PTPRG: variants seen among roughly 807,000 people sequenced by gnomAD.
The protein encoded by PTPRG is receptor-type tyrosine-protein phosphatase gamma.
A neutral mutation model predicts 165.3 loss-of-function variants in PTPRG; 102 were observed. That is an observed-to-expected ratio of 0.62 (90% confidence interval 0.53 to 0.73). The LOEUF (loss-of-function observed/expected upper bound fraction) is 0.73, where lower values mean the gene tolerates loss of function less well. Among genes scored for constraint, PTPRG ranks in the 30% least tolerant of loss-of-function variants. The probability of loss-of-function intolerance (pLI) is 0.00; values close to 1 mark genes in which losing one functional copy is unlikely to be tolerated. For missense variants in PTPRG, 1,866 were observed against 1,861.4 expected, an observed-to-expected ratio of 1.00 and a Z score of -0.05; for synonymous variants, 675 against 669.5, an observed-to-expected ratio of 1.01 and a Z score of -0.13.
chr3:62,176,418 C>T (rs182211220), intron 8 of PTPRG, among the ~76,000 whole-genome samples: 16 of 152,184 alleles, frequency 1.1e-4, no homozygotes, highest in Non-Finnish European at 1.8e-4. Context: ...TGTCCAAACG[C>T]AATATTTCCA....
chr3:61,693,035 G>C (rs541284107), intron 1 of PTPRG, among the ~76,000 whole-genome samples: 1 of 152,108 alleles, frequency 6.6e-6, no homozygotes, highest in Non-Finnish European at 1.5e-5. Context: ...ATGAAACTAA[G>C]AACTTTATTA....
At chr3:61,842,686 A>C (rs1377881736) in intron 2 of PTPRG, among the ~76,000 whole-genome samples, 1 of 48,302 alleles carries the variant, frequency 2.1e-5, no homozygotes, top group South Asian at 8.3e-4. Flanking sequence ...ATGTGTGGCA[A>C]AAAAAAAAAA....
In PTPRG at chr3:61,976,112, C is replaced by T. The variant is rs766578157; in HGVS notation, c.191-13513C>T. 3.5e-4 allele frequency among the ~76,000 whole-genome samples: 53 copies of T among 152,144 alleles called. 1 individual carries two copies. The highest frequency in any genetic ancestry group is 4.1e-4 in the Non-Finnish European group (28 of 68,018). Reference sequence around the variant, plus strand: ...TTACTACATTTTCAAGTGCAACTGACATGGATGCATTTCAGCGAGATCCTT... The same window carrying T: ...TTACTACATTTTCAAGTGCAACTGATATGGATGCATTTCAGCGAGATCCTT... On this transcript the variant is annotated intron_variant, in intron 2 of 29. Transcript: ENST00000474889.
Position 61,989,651 on chromosome 3 carries a change from A to C in PTPRG, c.217A>C (p.Thr73Pro). The part of the protein sequence containing the change: ...SGAYGPEHWV[T>P]SSVSCGGRHQ... ...TGCCTATGGTCCTGAGCACTGGGTCACGTCTAGTGTCAGCTGTGGGGGCCG... is the reference window on the plus strand; with the variant it reads ...TGCCTATGGTCCTGAGCACTGGGTCCCGTCTAGTGTCAGCTGTGGGGGCCG... The change falls in exon 3 of 30, where the codon ACG becomes CCG. Residue 73 changes from threonine to proline, a missense_variant. Coordinates refer to ENST00000474889, the MANE Select transcript of PTPRG (RefSeq NM_002841.4). 6.2e-7 allele frequency: 1 copy of C among 1,614,100 alleles called. No homozygotes were observed. The highest frequency in any genetic ancestry group is 8.5e-7 in the Non-Finnish European group (1 of 1,179,966).
At chr3:61,972,123 G>A (rs762468872) in intron 2 of PTPRG, among the ~76,000 whole-genome samples, 1 of 152,250 alleles carries the variant, frequency 6.6e-6, no homozygotes, top group African/African-American at 2.4e-5. Flanking sequence ...GTTTACATAT[G>A]TGTGGCAGAA....
intron 5 of PTPRG, among the ~76,000 whole-genome samples, chr3:62,103,553 G>A (rs1033894798): frequency 1.3e-5 from 2 of 152,204 alleles, no homozygotes. Context: ...TTATCTTCTA[G>A]TTTGCTCCAT....
At chr3:61,933,740 T>A (rs1360958917) in intron 2 of PTPRG, among the ~76,000 whole-genome samples, 2 of 152,232 alleles carry the variant, frequency 1.3e-5, no homozygotes, top group African/African-American at 2.4e-5. Flanking sequence ...GAGTGTTTTT[T>A]AGATACTGTA....
intron 1 of PTPRG, among the ~76,000 whole-genome samples, chr3:61,730,968 T>G (rs2032466604): frequency 6.6e-6 from 1 of 152,190 alleles, no homozygotes; most frequent in Non-Finnish European, 1.5e-5. Flanking sequence ...TTGTCCTATT[T>G]TCTGTATTTG....
intron 6 of PTPRG, among the ~76,000 whole-genome samples, chr3:62,135,004 G>C (rs985528119): frequency 7.2e-5 from 11 of 152,288 alleles, no homozygotes; most frequent in African/African-American, 2.6e-4. Flanking sequence ...CAGGGGCAGT[G>C]GCTCATGCCT....
At chr3:61,650,767 CACTT>C (rs1404414076) in intron 1 of PTPRG, among the ~76,000 whole-genome samples, 3 of 152,116 alleles carry the variant, frequency 2.0e-5, no homozygotes, top group Non-Finnish European at 2.9e-5. Context: ...CATTTTCAAA[CACTT>C]AATTGTTTAA....
intron 1 of PTPRG, among the ~76,000 whole-genome samples, chr3:61,747,392 C>T (rs55656409): frequency 1.3e-5 from 2 of 152,108 alleles, no homozygotes; most frequent in Non-Finnish European, 2.9e-5. Flanking sequence ...ATGGAAGGCA[C>T]CTAAACCTAC....
intron 2 of PTPRG, among the ~76,000 whole-genome samples, chr3:61,847,274 A>G (rs2036833637): frequency 6.6e-6 from 1 of 152,160 alleles, no homozygotes; most frequent in Non-Finnish European, 1.5e-5. Flanking sequence ...ATGTTAAGGC[A>G]TGGATCAGGG....
intron 2 of PTPRG, among the ~76,000 whole-genome samples, chr3:61,865,635 G>C (rs1396899283): frequency 6.6e-6 from 1 of 152,160 alleles, no homozygotes; most frequent in Non-Finnish European, 1.5e-5. Flanking sequence ...CTCTCCACCT[G>C]CCGACAGGGC....
intron 2 of PTPRG, among the ~76,000 whole-genome samples, chr3:61,752,793 A>AAAAAAAAAAAG (rs2033486633): frequency 1.2e-5 from 1 of 80,358 alleles, no homozygotes; most frequent in Non-Finnish European, 2.8e-5. Flanking sequence ...CTCAAAAAAA[A>AAAAAAAAAAAG]AAAAAAAAGA....
At chr3:61,633,945 C>T (rs977797642) in intron 1 of PTPRG, among the ~76,000 whole-genome samples, 3 of 150,756 alleles carry the variant, frequency 2.0e-5, no homozygotes, top group Admixed American at 1.3e-4. Flanking sequence ...GAAAGGGTCT[C>T]AGTCTGTCAC....
intron 2 of PTPRG, among the ~76,000 whole-genome samples, chr3:61,778,238 G>A (rs970746299): frequency 1.3e-5 from 2 of 152,124 alleles, no homozygotes; most frequent in Admixed American, 1.3e-4. Flanking sequence ...GGGTGGGAGC[G>A]GCAGGGGCTC....
chr3:62,161,171 A>G (rs1251631199), intron 7 of PTPRG, among the ~76,000 whole-genome samples: 2 of 152,202 alleles, frequency 1.3e-5, no homozygotes, highest in African/African-American at 2.4e-5. Context: ...TGCTTAGACT[A>G]GAATATGTAT....
chr3:61,594,267 C>T (rs942602947), intron 1 of PTPRG, among the ~76,000 whole-genome samples: 5 of 151,838 alleles, frequency 3.3e-5, no homozygotes, highest in African/African-American at 7.3e-5. Context: ...GGGAGGAGGG[C>T]GCCGGGTGGA....
At chr3:61,771,659 A>G (rs1262340468) in intron 2 of PTPRG, among the ~76,000 whole-genome samples, 1 of 152,188 alleles carries the variant, frequency 6.6e-6, no homozygotes, top group Non-Finnish European at 1.5e-5. Context: ...CCTTGGCTTA[A>G]TGTGTTCCTA....
Sources: gnomAD v4.1 joint callset for allele counts (sites outside exome capture counted in the v4.1 genomes callset) on GRCh38, gnomAD v4.1.1 for gene constraint, MANE v1.5 for transcripts, NCBI Gene and HGNC (gene_info 2026-07-23, HGNC 2026-07-21) for gene names.